CRTAC1: variants seen among roughly 807,000 people sequenced by gnomAD.
CRTAC1 encodes acidic secreted protein in cartilage.
Under a neutral mutation model 67.8 loss-of-function variants are expected in CRTAC1, and 37 were observed. The observed-to-expected ratio is 0.55, with a 90% CI of 0.42 to 0.72. The LOEUF is 0.72. Ranked by LOEUF, CRTAC1 falls within the 30% of genes least tolerant of loss-of-function variation. The pLI is 0.00. For missense variants in CRTAC1, 780 were observed against 931.6 expected (o/e 0.84, Z 2.12); for synonymous variants, 348 against 371.0 (o/e 0.94, Z 0.71).
At chr10:97,997,757 G>A (rs1590276536) in intron 2 of CRTAC1, among the ~76,000 whole-genome samples, 1 of 152,068 alleles carries the variant, frequency 6.6e-6, no homozygotes, top group Non-Finnish European at 1.5e-5. Context: ...AATAAAAAAC[G>A]GTTTTTGAAA....
chr10:98,005,100 A>ATATTTTTTTTTT lies in CRTAC1; in HGVS notation c.224+6037_224+6038insAAAAAAAAAATA. On this transcript the variant is annotated intron_variant, in intron 2 of 14. Coordinates refer to ENST00000370597, the MANE Select transcript of CRTAC1 (RefSeq NM_018058.7). The stretch of plus-strand genomic sequence containing the variant: ...GTAATACATATATATATATATATAT[A>ATATTTTTTTTTT]TTTTTTTTTTTTTTTTTTTTTGAGA... Among the ~76,000 whole-genome samples the ATATTTTTTTTTT allele has an allele frequency of 1.5e-3, 71 of 48,888 alleles. 4 individuals carry two copies. Among genetic ancestry groups the ATATTTTTTTTTT allele is most frequent in the African/African-American group, 4.1e-3 (36 of 8,688 alleles). The allele number at this position is 48,888 out of a possible 152,430, so 32.1% of individuals were successfully genotyped here. A position where few individuals can be genotyped will look rare whatever the true frequency, so the allele number is the denominator to read the frequency against.
chr10:97,996,465 C>CA (rs1030188645), intron 2 of CRTAC1, among the ~76,000 whole-genome samples: 3 of 151,832 alleles, frequency 2.0e-5, no homozygotes, highest in Non-Finnish European at 2.9e-5. Context: ...TTTATGCAGC[C>CA]AAAAAACACA....
At chr10:97,962,018 A>G (rs906035987) in intron 2 of CRTAC1, among the ~76,000 whole-genome samples, 1 of 152,170 alleles carries the variant, frequency 6.6e-6, no homozygotes, top group Non-Finnish European at 1.5e-5. Flanking sequence ...GACAGTTTCT[A>G]TGTCTTTAAC....
chr10:97,887,218 G>A (rs574507344), intron 11 of CRTAC1, among the ~76,000 whole-genome samples: 5 of 144,922 alleles, frequency 3.5e-5, no homozygotes, highest in South Asian at 4.5e-4. Flanking sequence ...TGGTACTTGC[G>A]GCACTTAGGT....
At position 97,895,345 on chromosome 10, in the gene CRTAC1, C is replaced by A; in HGVS notation, c.1386G>T (p.Lys462Asn). ...CACTCTTCTTGGTGTAGAGCACGAC[C>A]TTAGCTCCCCTGGCAAAGGCCCCAA... ...TRFGAFARGA[K>N]VVLYTKKSGA... The change falls in exon 11 of 15, where the codon AAG becomes AAT. Residue 462 changes from lysine to asparagine, a missense_variant. Coordinates refer to ENST00000370597, the MANE Select transcript of CRTAC1 (RefSeq NM_018058.7). This position sits in a 1 kb window ranked among gnomAD's most constrained non-coding sequence, Gnocchi z 4.2. 5 of 1,612,770 alleles carry A rather than the reference C, an allele frequency of 3.1e-6. No homozygotes were observed. Among genetic ancestry groups the A allele is most frequent in the Non-Finnish European group, 4.2e-6 (5 of 1,179,536 alleles).
chr10:97,891,003 C>A (rs2050363814), intron 11 of CRTAC1, among the ~76,000 whole-genome samples: 1 of 152,168 alleles, frequency 6.6e-6, no homozygotes. Context: ...TATCTTCTAA[C>A]ATTTTATATA....
chr10:97,893,260 T>C (rs1667322695), intron 11 of CRTAC1, among the ~76,000 whole-genome samples: 1 of 145,706 alleles, frequency 6.9e-6, no homozygotes, highest in Non-Finnish European at 1.5e-5. Flanking sequence ...TCAGTTTTTT[T>C]TCTGCACATA....
At chr10:97,881,957 C>A (rs2050220235) in intron 13 of CRTAC1, among the ~76,000 whole-genome samples, 1 of 152,198 alleles carries the variant, frequency 6.6e-6, no homozygotes, top group South Asian at 2.1e-4. Flanking sequence ...ATCTCCAAGC[C>A]CCTGCCCTCC....
chr10:97,895,995 A>G lies in CRTAC1; in HGVS notation c.1217-10T>C. On this transcript the variant is annotated splice_polypyrimidine_tract_variant and intron_variant, in intron 9 of 14. Coordinates refer to ENST00000370597, the MANE Select transcript of CRTAC1 (RefSeq NM_018058.7). This position sits in a 1 kb window ranked among gnomAD's most constrained non-coding sequence, Gnocchi z 4.2. ...TCGGTCACCACACCCCCTACAAACA[A>G]TGCAGATTTCACCTCTGGCCGTAAT... 6.2e-7 allele frequency: 1 copy of G among 1,609,798 alleles called. No homozygotes were observed. The highest frequency in any genetic ancestry group is 1.1e-5 in the South Asian group (1 of 90,976).
chr10:97,916,247 T>C (rs1159833821), intron 5 of CRTAC1, among the ~76,000 whole-genome samples: 3 of 151,858 alleles, frequency 2.0e-5, no homozygotes, highest in Non-Finnish European at 4.4e-5. Flanking sequence ...AAAAATTGAC[T>C]GTACAAATCT....
At chr10:97,878,450 CTT>C (rs3838741) in intron 14 of CRTAC1, 16 of 392,896 alleles carry the variant, frequency 4.1e-5, no homozygotes, top group Non-Finnish European at 5.9e-5. Context: ...ATGGCAGGGG[CTT>C]TTTTTTTGTT....
chr10:98,022,858 C>T (rs1400675666), intron 1 of CRTAC1, among the ~76,000 whole-genome samples: 1 of 152,136 alleles, frequency 6.6e-6, no homozygotes, highest in African/African-American at 2.4e-5. Flanking sequence ...GAGAGTATCA[C>T]AGAGAGGATT....
chr10:97,960,057 C>T (rs2051502261), intron 2 of CRTAC1, among the ~76,000 whole-genome samples: 1 of 152,234 alleles, frequency 6.6e-6, no homozygotes, highest in South Asian at 2.1e-4. Flanking sequence ...TCAGAATGAA[C>T]CACATTGTAT....
chr10:97,987,712 C>T (rs1280612239), intron 2 of CRTAC1, among the ~76,000 whole-genome samples: 1 of 152,222 alleles, frequency 6.6e-6, no homozygotes, highest in East Asian at 1.9e-4. Flanking sequence ...AGCTCCATGA[C>T]AGCAGGGACC....
chr10:97,873,471 G>T (rs923066146), intron 14 of CRTAC1, among the ~76,000 whole-genome samples: 1 of 152,216 alleles, frequency 6.6e-6, no homozygotes, highest in Non-Finnish European at 1.5e-5. Flanking sequence ...TGCAGAGAGG[G>T]TGTATGTTTG....
At chr10:97,907,899 C>A in intron 6 of CRTAC1, 114 bp downstream of exon 6, 2 of 1,162,172 alleles carry the variant, frequency 1.7e-6, no homozygotes, top group Non-Finnish European at 1.2e-6. Context: ...GATGACTTGC[C>A]CTGCTCTCCC....
intron 9 of CRTAC1, among the ~76,000 whole-genome samples, chr10:97,896,466 G>T (rs544823325): frequency 2.0e-5 from 3 of 152,306 alleles, no homozygotes; most frequent in African/African-American, 7.2e-5. Flanking sequence ...AGACCACAAA[G>T]TGAGGCAATG....
At chr10:97,879,914 T>C in intron 14 of CRTAC1, 1 of 1,011,488 alleles carries the variant, frequency 9.9e-7, no homozygotes, top group Non-Finnish European at 1.4e-6. Flanking sequence ...GTTTAGAAAT[T>C]CAGCCAAAGA....
At chr10:97,865,871 T>C in intron 14 of CRTAC1, 157 bp from the exon 15 acceptor site, 11 of 1,134,750 alleles carry the variant, frequency 9.7e-6, no homozygotes, top group South Asian at 1.7e-5. Context: ...CATCAACCTA[T>C]GCCCCCTGTC....
Sources: gnomAD v4.1 joint callset for allele counts (sites outside exome capture counted in the v4.1 genomes callset) on GRCh38, gnomAD v4.1.1 for gene constraint, Gnocchi (gnomAD v3.1) non-coding constraint, MANE v1.5 for transcripts, NCBI Gene and HGNC (gene_info 2026-07-23, HGNC 2026-07-21) for gene names.